SLC24A3: variants seen among roughly 807,000 people sequenced by gnomAD.
The protein encoded by SLC24A3 is sodium/potassium/calcium exchanger 3.
A neutral mutation model predicts 75.8 loss-of-function variants in SLC24A3; 28 were observed. That is an observed-to-expected ratio of 0.37 (90% CI 0.27 to 0.51). SLC24A3 has a LOEUF of 0.51. Ranked by LOEUF, SLC24A3 falls within the 20% of genes least tolerant of loss-of-function variation. SLC24A3 has a pLI of 0.94. For synonymous variants in SLC24A3, 372 were observed against 334.1 expected (o/e 1.11, Z -1.24); for missense variants, 663 against 847.8 (o/e 0.78, Z 2.71).
chr20:19,297,347 C>G (rs1984085809), intron 2 of SLC24A3, among the ~76,000 whole-genome samples: 1 of 152,152 alleles, frequency 6.6e-6, no homozygotes, highest in South Asian at 2.1e-4. Flanking sequence ...ATATAGTAAA[C>G]CTTTGCCCCC....
chr20:19,688,193 T>A (rs1056469830), intron 12 of SLC24A3, among the ~76,000 whole-genome samples: 1 of 152,088 alleles, frequency 6.6e-6, no homozygotes, highest in Non-Finnish European at 1.5e-5. Context: ...GAGGCCCGAG[T>A]CTGCATTGCT....
At chr20:19,631,092 G>A (rs1440004313) in intron 6 of SLC24A3, among the ~76,000 whole-genome samples, 3 of 152,120 alleles carry the variant, frequency 2.0e-5, no homozygotes, top group Non-Finnish European at 4.4e-5. Context: ...GCCTGTAATT[G>A]TAGCACTTTG....
At chr20:19,639,404 G>C (rs776821800) in intron 6 of SLC24A3, among the ~76,000 whole-genome samples, 123 of 145,124 alleles carry the variant, frequency 8.5e-4, no homozygotes, top group Admixed American at 1.8e-3. Context: ...ACAGAGTGTC[G>C]ATTGGTGCAT....
chr20:19,244,463 A>C (rs1312150261), intron 1 of SLC24A3, among the ~76,000 whole-genome samples: 1 of 152,164 alleles, frequency 6.6e-6, no homozygotes, highest in African/African-American at 2.4e-5. Context: ...CATCAAGGCG[A>C]GGTGGAGGGG....
At chr20:19,685,663 A>G (rs896396609) in intron 12 of SLC24A3, among the ~76,000 whole-genome samples, 1 of 152,208 alleles carries the variant, frequency 6.6e-6, no homozygotes, top group Non-Finnish European at 1.5e-5. Context: ...AAAGCCAGTC[A>G]CTGAGACAAC....
At chr20:19,598,217 C>T (rs1046575884) in intron 6 of SLC24A3, among the ~76,000 whole-genome samples, 7 of 152,076 alleles carry the variant, frequency 4.6e-5, no homozygotes, top group Non-Finnish European at 1.0e-4. Flanking sequence ...CATTTGTGGC[C>T]TCCTGCTGCA....
At chr20:19,439,966 T>C (rs1047263911) in intron 2 of SLC24A3, among the ~76,000 whole-genome samples, 1 of 152,134 alleles carries the variant, frequency 6.6e-6, no homozygotes, top group Non-Finnish European at 1.5e-5. Context: ...TGACGGGATG[T>C]TGGGGTTTTA....
At chr20:19,365,192 G>A (rs964345743) in intron 2 of SLC24A3, among the ~76,000 whole-genome samples, 8 of 152,166 alleles carry the variant, frequency 5.3e-5, no homozygotes, top group African/African-American at 1.4e-4. Context: ...CCAACTTCTG[G>A]GGTGATAGGA....
intron 2 of SLC24A3, among the ~76,000 whole-genome samples, chr20:19,507,480 G>C (rs1336831204): frequency 2.0e-5 from 3 of 152,174 alleles, no homozygotes; most frequent in Non-Finnish European, 4.4e-5. Flanking sequence ...ATTGGGGTTG[G>C]GGATTCTGGT....
At chr20:19,413,195 A>G (rs1184395055) in intron 2 of SLC24A3, among the ~76,000 whole-genome samples, 1 of 152,222 alleles carries the variant, frequency 6.6e-6, no homozygotes, top group East Asian at 1.9e-4. Context: ...GACTGGACCT[A>G]TAGCTAGTTA....
At chr20:19,408,750 G>C (rs1201796237) in intron 2 of SLC24A3, among the ~76,000 whole-genome samples, 1 of 152,124 alleles carries the variant, frequency 6.6e-6, no homozygotes, top group African/African-American at 2.4e-5. Context: ...TTTTGTCTAT[G>C]TCATTAGGAG....
Position 19,721,397 on chromosome 20 carries a change from C to T in SLC24A3, c.*257C>T, listed in dbSNP as rs1013116801. ...CAACATCCACGTGACTTTTCCAGCTCCATTTTTGAACAGTGACTGAGATTC... is the reference window on the plus strand; with the variant it reads ...CAACATCCACGTGACTTTTCCAGCTTCATTTTTGAACAGTGACTGAGATTC... On this transcript the variant is annotated 3_prime_UTR_variant, in exon 17 of 17. Coordinates refer to ENST00000328041, the MANE Select transcript of SLC24A3 (RefSeq NM_020689.4). 15 of 432,384 alleles carry T rather than the reference C, an allele frequency of 3.5e-5. No individual in the cohort carries two copies. The highest frequency in any genetic ancestry group is 5.7e-5 in the Non-Finnish European group (14 of 244,860). 26.8% of individuals were successfully genotyped at this position (432,384 alleles called of 1,614,324 possible).
At chr20:19,682,649 C>T (rs4814884) in intron 10 of SLC24A3, among the ~76,000 whole-genome samples, 69,207 of 152,082 alleles carry the variant, frequency 0.46, 17,059 homozygotes, top group South Asian at 0.63. Flanking sequence ...TTCTGAAATA[C>T]GAGAATCATT....
chr20:19,569,092 C>G (rs889759968), intron 3 of SLC24A3, among the ~76,000 whole-genome samples: 1 of 152,272 alleles, frequency 6.6e-6, no homozygotes, highest in African/African-American at 2.4e-5. Flanking sequence ...GTCAGGGAAC[C>G]CTTGTGGGAG....
At chr20:19,451,100 G>T (rs947102920) in intron 2 of SLC24A3, among the ~76,000 whole-genome samples, 3 of 152,220 alleles carry the variant, frequency 2.0e-5, no homozygotes, top group Admixed American at 2.0e-4. Flanking sequence ...TGTTCAGTTT[G>T]TGAAGATTTA....
intron 2 of SLC24A3, among the ~76,000 whole-genome samples, chr20:19,459,559 A>G (rs1987635616): frequency 6.6e-6 from 1 of 152,232 alleles, no homozygotes; most frequent in African/African-American, 2.4e-5. Flanking sequence ...CATAGACTGT[A>G]TTGACATACT....
chr20:19,216,788 G>A (rs952914341), intron 1 of SLC24A3, among the ~76,000 whole-genome samples: 1 of 152,200 alleles, frequency 6.6e-6, no homozygotes, highest in African/African-American at 2.4e-5. Flanking sequence ...AGTTAGTGGT[G>A]TAAAACAGCC....
chr20:19,513,337 C>G lies in SLC24A3; in HGVS notation c.272-2151C>G, dbSNP rs6112434. Reference sequence around the variant, plus strand: ...CCAGCCATGGAGCCCAAGCATGTTGCCCCATCTGTCTTCCCCTTGGGTTCC... The same window carrying G: ...CCAGCCATGGAGCCCAAGCATGTTGGCCCATCTGTCTTCCCCTTGGGTTCC... On this transcript the variant is annotated intron_variant, in intron 2 of 16. Transcript: ENST00000328041. Among the ~76,000 whole-genome samples the G allele has an allele frequency of 7.8e-3, 1,184 of 152,298 alleles. 7 individuals carry two copies. Among genetic ancestry groups the G allele is most frequent in the Non-Finnish European group, 0.012 (835 of 68,034 alleles).
At chr20:19,408,087 A>C (rs533980441) in intron 2 of SLC24A3, among the ~76,000 whole-genome samples, 1 of 152,354 alleles carries the variant, frequency 6.6e-6, no homozygotes, top group South Asian at 2.1e-4. Context: ...ATGTGGGAAT[A>C]AAATGTTGAG....
Sources: gnomAD v4.1 joint callset for allele counts (sites outside exome capture counted in the v4.1 genomes callset) on GRCh38, gnomAD v4.1.1 for gene constraint, MANE v1.5 for transcripts, NCBI Gene and HGNC (gene_info 2026-07-23, HGNC 2026-07-21) for gene names.